Variants in INTS10 observed in about 807,000 individuals in gnomAD.
INTS10 encodes integrator complex subunit 10, also known as chromosome 8 open reading frame 35.
In INTS10, 44 loss-of-function variants were observed where a neutral mutation model predicts 94.4. The observed-to-expected ratio is 0.47, with a 90% CI of 0.37 to 0.60. The LOEUF (loss-of-function observed/expected upper bound fraction) is 0.60, where lower values mean the gene tolerates loss of function less well. INTS10 is among the 20% of genes least tolerant of loss of function. The probability of loss-of-function intolerance (pLI) is 0.00; values close to 1 mark genes in which losing one functional copy is unlikely to be tolerated. For synonymous variants in INTS10, 341 were observed against 320.7 expected (o/e 1.06, Z -0.68); for missense variants, 797 against 868.7 (o/e 0.92, Z 1.04).
chr8:19,826,977 T>C (rs989293371), intron 9 of INTS10, among the ~76,000 whole-genome samples: 3 of 152,054 alleles, frequency 2.0e-5, no homozygotes, highest in Non-Finnish European at 2.9e-5. Context: ...GGCCTCGGAA[T>C]GGGAAGCTCT....
intron 12 of INTS10, 107 bp from the exon 13 acceptor site, chr8:19,836,945 T>C (rs988341804): frequency 2.0e-5 from 14 of 710,018 alleles, no homozygotes; most frequent in East Asian, 7.6e-5. Context: ...AAATACAGAC[T>C]TCCATGTACA....
At chr8:19,829,578 G>T (rs966759994) in intron 9 of INTS10, among the ~76,000 whole-genome samples, 2 of 152,200 alleles carry the variant, frequency 1.3e-5, no homozygotes, top group Non-Finnish European at 2.9e-5. Flanking sequence ...AGGAGAGCGA[G>T]AGAGGGGTGA....
intron 1 of INTS10, 103 bp from the exon 2 acceptor site, chr8:19,818,172 C>T (rs748400626): frequency 8.9e-7 from 1 of 1,122,766 alleles, no homozygotes; most frequent in Non-Finnish European, 1.4e-6. Context: ...GAGCTTCACT[C>T]TCAGGCCCTC....
intron 13 of INTS10, 106 bp from the exon 14 acceptor site, chr8:19,842,742 T>G: frequency 1.5e-6 from 1 of 657,378 alleles, no homozygotes; most frequent in African/African-American, 1.8e-5. Context: ...CTGTTGCATA[T>G]TCTCTTTTTT....
At chr8:19,830,285 T>A (rs1158765364) in intron 9 of INTS10, 121 bp from the exon 10 acceptor site, 6 of 717,860 alleles carry the variant, frequency 8.4e-6, no homozygotes, top group Non-Finnish European at 1.0e-5. Context: ...AAAAATTGTA[T>A]GTATGTGGTA....
chr8:19,830,001 C>A (rs931322086), intron 9 of INTS10, among the ~76,000 whole-genome samples: 3 of 152,012 alleles, frequency 2.0e-5, no homozygotes, highest in Admixed American at 6.6e-5. Flanking sequence ...ACATGCCAAA[C>A]CATTATTTGG....
At chr8:19,840,017 T>G (rs1212448352) in intron 13 of INTS10, among the ~76,000 whole-genome samples, 1 of 136,676 alleles carries the variant, frequency 7.3e-6, no homozygotes, top group Non-Finnish European at 1.5e-5. Flanking sequence ...GAGCCAAGAT[T>G]GCACCACTGC....
At position 19,841,770 on chromosome 8, in the gene INTS10, C is replaced by T. The variant is rs752921377; in HGVS notation, c.1640-1078C>T. On this transcript the variant is annotated intron_variant, in intron 13 of 16. Coordinates refer to ENST00000397977, the MANE Select transcript of INTS10 (RefSeq NM_018142.4). ...TTACCTAATTATTAAATGTACCTCG[C>T]GTCCTAGTTGTATACCTTAGATGAG... 12 of 449,736 alleles carry T rather than the reference C, an allele frequency of 2.7e-5. 1 individual carries two copies. The highest frequency in any genetic ancestry group is 4.8e-5 in the South Asian group (3 of 62,830). 27.9% of individuals were successfully genotyped at this position (449,736 alleles called of 1,614,324 possible).
At chr8:19,842,520 T>A (rs908338578) in intron 13 of INTS10, among the ~76,000 whole-genome samples, 3 of 152,186 alleles carry the variant, frequency 2.0e-5, no homozygotes, top group Admixed American at 6.5e-5. Context: ...TGTTTAAAAT[T>A]AAGATATTAA....
intron 11 of INTS10, 118 bp downstream of exon 11, chr8:19,832,228 A>G (rs558380083): frequency 5.3e-5 from 35 of 663,166 alleles, no homozygotes; most frequent in Non-Finnish European, 9.7e-5. Flanking sequence ...CTGCCTCCTG[A>G]CACCTGTTCT....
chr8:19,828,153 GT>G (rs1359828307), intron 9 of INTS10, among the ~76,000 whole-genome samples: 1 of 152,126 alleles, frequency 6.6e-6, no homozygotes, highest in African/African-American at 2.4e-5. Context: ...CAAGGTTCCA[GT>G]GAGTGATGAC....
intron 2 of INTS10, 26 bp from the exon 3 acceptor site, chr8:19,819,547 A>G (rs1383403120): frequency 6.5e-7 from 1 of 1,538,650 alleles, no homozygotes; most frequent in South Asian, 1.2e-5. Context: ...TGACATTTTA[A>G]TTTAATGTAT....
intron 7 of INTS10, 50 bp from the exon 8 acceptor site, chr8:19,824,753 C>G (rs1194513727): frequency 7.3e-7 from 1 of 1,365,282 alleles, no homozygotes; most frequent in Admixed American, 2.2e-5. Context: ...AGACTTCTTG[C>G]TGACCAGCCC....
chr8:19,849,371 G>T lies in INTS10; in HGVS notation c.1977-2278G>T. The T allele has an allele frequency of 3.1e-6, 1 of 327,282 alleles. No individual in the cohort carries two copies. The highest frequency in any genetic ancestry group is 5.8e-6 in the Non-Finnish European group (1 of 171,802). 20.3% of individuals were successfully genotyped at this position (327,282 alleles called of 1,614,324 possible). On this transcript the variant is annotated intron_variant, in intron 16 of 16. Transcript: ENST00000397977. The surrounding 1 kb of genome is among the most constrained non-coding windows in gnomAD (Gnocchi z 4.6). ...TCTTTTTTAATTTGTTCCGCATTTT[G>T]GCAAACCATCTGGTTGTAATATTGT...
chr8:19,825,060 G>C (rs1234236040), intron 8 of INTS10, 88 bp downstream of exon 8: 4 of 1,132,218 alleles, frequency 3.5e-6, no homozygotes, highest in Non-Finnish European at 5.3e-6. Flanking sequence ...CAGTATTGCT[G>C]GATCCGAATA....
Position 19,844,114 on chromosome 8 carries a change from G to A in INTS10, c.1758G>A (p.Leu586=), listed in dbSNP as rs2068368814. Reference sequence around the variant, plus strand: ...CAGACAACAGAGACGACATGGCATTGGGGCATGTGATTGTGTTGCTTCAGC... The same window carrying A: ...CAGACAACAGAGACGACATGGCATTAGGGCATGTGATTGTGTTGCTTCAGC... ...AFTDNRDDMA[L]GHVIVLLQQE... is the part of the protein sequence containing the mutation. Residue 586 remains leucine, a synonymous_variant, in exon 15 of 17, where the codon TTG becomes TTA. Transcript: ENST00000397977. 1 of 1,613,520 alleles carries A rather than the reference G, an allele frequency of 6.2e-7. No individual in the cohort carries two copies. Among genetic ancestry groups the A allele is most frequent in the Non-Finnish European group, 8.5e-7 (1 of 1,179,580 alleles).
In INTS10 at chr8:19,818,354, G is replaced by A. The variant is rs780702405; in HGVS notation, c.197+12G>A. On this transcript the variant is annotated intron_variant, in intron 2 of 16. Coordinates refer to ENST00000397977, the MANE Select transcript of INTS10 (RefSeq NM_018142.4). ...CTGCTGTACGACATGTGAGTGGGACGCTTGACATCACTTTTACTGCACTGA... is the reference window on the plus strand; with the variant it reads ...CTGCTGTACGACATGTGAGTGGGACACTTGACATCACTTTTACTGCACTGA... 4.3e-6 allele frequency: 7 copies of A among 1,612,800 alleles called. No individual in the cohort carries two copies. The highest frequency in any genetic ancestry group is 5.9e-6 in the Non-Finnish European group (7 of 1,179,448).
chr8:19,820,082 C>T (rs1440302317), intron 3 of INTS10, among the ~76,000 whole-genome samples: 1 of 152,204 alleles, frequency 6.6e-6, no homozygotes, highest in African/African-American at 2.4e-5. Flanking sequence ...GTCATTTGAA[C>T]TTCAACAAGC....
At chr8:19,823,809 T>C in intron 6 of INTS10, 64 bp from the exon 7 acceptor site, 1 of 1,353,850 alleles carries the variant, frequency 7.4e-7, no homozygotes, top group Non-Finnish European at 1.0e-6. Context: ...ACTTTCTTTA[T>C]CAGGTACCAT....
Sources: allele counts gnomAD v4.1 joint callset (sites outside exome capture counted in the v4.1 genomes callset), GRCh38; gene constraint gnomAD v4.1.1; non-coding constraint Gnocchi (gnomAD v3.1); transcripts MANE v1.5; gene names NCBI Gene and HGNC (gene_info 2026-07-23, HGNC 2026-07-21).